WDFY3: variants seen among roughly 807,000 people sequenced by gnomAD.
WDFY3 encodes WD repeat and FYVE domain containing 3.
Under a neutral mutation model 409.6 loss-of-function variants are expected in WDFY3, and 66 were observed. The observed-to-expected ratio is 0.16, with a 90% confidence interval of 0.13 to 0.20. The LOEUF (loss-of-function observed/expected upper bound fraction) is 0.20. WDFY3 is among the 10% of genes least tolerant of loss of function. The pLI is 1.00. For missense variants in WDFY3, 3,031 were observed against 4,298.1 expected, an observed-to-expected ratio of 0.71 and a Z score of 8.24; for synonymous variants, 1,521 against 1,537.1, an observed-to-expected ratio of 0.99 and a Z score of 0.25.
At chr4:84,822,069 G>GT (rs923325311) in intron 10 of WDFY3, among the ~76,000 whole-genome samples, 1 of 151,852 alleles carries the variant, frequency 6.6e-6, no homozygotes, top group African/African-American at 2.4e-5. Flanking sequence ...AGTTTGTTTT[G>GT]TTTTCTAGCT....
At chr4:84,856,119 G>A (rs150878080) in intron 4 of WDFY3, among the ~76,000 whole-genome samples, 427 of 152,256 alleles carry the variant, frequency 2.8e-3, no homozygotes, top group African/African-American at 9.7e-3. Context: ...TAATTCACCT[G>A]TCTGCCTTCT....
chr4:84,888,454 G>GA (rs1276816106), intron 3 of WDFY3, among the ~76,000 whole-genome samples: 1 of 151,908 alleles, frequency 6.6e-6, no homozygotes, highest in Admixed American at 6.6e-5. Context: ...AATAACTTTA[G>GA]AAAAAAACTC....
In WDFY3 at chr4:84,672,839, C is replaced by A. The variant is rs1204753624; in HGVS notation, c.*29G>T. The stretch of plus-strand genomic sequence containing the variant: ...GGAGAATCGGGAAGGGGTCTACAGA[C>A]CATGGTCTCCACTCAGCTTGTTGAA... On this transcript the variant is annotated 3_prime_UTR_variant, in exon 68 of 68. Transcript: ENST00000295888. 1 of 1,613,474 alleles carries A rather than the reference C, an allele frequency of 6.2e-7. No homozygotes were observed. The highest frequency in any genetic ancestry group is 8.5e-7 in the Non-Finnish European group (1 of 1,179,694).
At chr4:84,750,198 T>C (rs901341587) in intron 36 of WDFY3, among the ~76,000 whole-genome samples, 6 of 152,190 alleles carry the variant, frequency 3.9e-5, no homozygotes, top group Non-Finnish European at 5.9e-5. Flanking sequence ...TGGTCATCTC[T>C]CTTAGAGCTT....
intron 24 of WDFY3, among the ~76,000 whole-genome samples, chr4:84,784,495 C>G (rs1295239127): frequency 6.6e-6 from 1 of 152,032 alleles, no homozygotes; most frequent in African/African-American, 2.4e-5. Flanking sequence ...CTCTCACCTT[C>G]CACACTCATT....
At chr4:84,951,662 C>T (rs1455302824) in intron 1 of WDFY3, among the ~76,000 whole-genome samples, 2 of 152,070 alleles carry the variant, frequency 1.3e-5, no homozygotes, top group East Asian at 1.9e-4. Flanking sequence ...AAGCCATGCC[C>T]GATGTTAAAT....
chr4:84,917,496 AAAAT>A (rs1479652807), intron 2 of WDFY3, among the ~76,000 whole-genome samples: 1 of 152,214 alleles, frequency 6.6e-6, no homozygotes, highest in Non-Finnish European at 1.5e-5. Flanking sequence ...AGTTAAAAGT[AAAAT>A]AAATTAACTT....
At chr4:84,766,417 A>G in intron 30 of WDFY3, 45 bp from the exon 31 acceptor site, 1 of 1,522,044 alleles carries the variant, frequency 6.6e-7, no homozygotes, top group Non-Finnish European at 8.8e-7. Context: ...TAGATAAGCT[A>G]AAAGAAAATT....
chr4:84,738,260 A>G (rs978251735), intron 40 of WDFY3, among the ~76,000 whole-genome samples: 12 of 152,096 alleles, frequency 7.9e-5, no homozygotes, highest in African/African-American at 2.9e-4. Flanking sequence ...AAAGACTTCA[A>G]TATGCAATCC....
At chr4:84,761,987 A>T (rs1400445066) in intron 32 of WDFY3, among the ~76,000 whole-genome samples, 5 of 152,112 alleles carry the variant, frequency 3.3e-5, no homozygotes, top group Admixed American at 6.5e-5. Context: ...GGACGTGGAG[A>T]AATAGGAACA....
chr4:84,713,064 A>G, intron 51 of WDFY3, 95 bp downstream of exon 51: 2 of 1,378,118 alleles, frequency 1.5e-6, no homozygotes, highest in South Asian at 1.3e-5. Flanking sequence ...CACCAGGGGA[A>G]AAACACTCAT....
At chr4:84,903,316 C>G (rs1282970266) in intron 2 of WDFY3, among the ~76,000 whole-genome samples, 1 of 152,000 alleles carries the variant, frequency 6.6e-6, no homozygotes, top group African/African-American at 2.4e-5. Context: ...AGTTTGTTTG[C>G]GTCAAACAAA....
chr4:84,921,094 A>G (rs755667244), intron 2 of WDFY3, among the ~76,000 whole-genome samples: 4 of 152,202 alleles, frequency 2.6e-5, no homozygotes, highest in Non-Finnish European at 5.9e-5. Context: ...AATAAAATAT[A>G]TTATTTTGGA....
At chr4:84,786,711 TCA>T (rs1747618240) in intron 23 of WDFY3, among the ~76,000 whole-genome samples, 1 of 152,184 alleles carries the variant, frequency 6.6e-6, no homozygotes, top group Non-Finnish European at 1.5e-5. Context: ...AGTACCTAAC[TCA>T]CAGTGTTTTG....
chr4:84,723,733 T>C (rs1306058382), intron 46 of WDFY3, among the ~76,000 whole-genome samples: 2 of 152,174 alleles, frequency 1.3e-5, no homozygotes, highest in African/African-American at 4.8e-5. Flanking sequence ...GTATTATCAG[T>C]GAACAGAGGA....
At chr4:84,880,556 C>T (rs1300531685) in intron 3 of WDFY3, among the ~76,000 whole-genome samples, 1 of 149,332 alleles carries the variant, frequency 6.7e-6, no homozygotes, top group Admixed American at 6.7e-5. Context: ...TAGGTACATG[C>T]CCTAAGGAAA....
chr4:84,703,507 G>A (rs1020642670), intron 55 of WDFY3, among the ~76,000 whole-genome samples: 4 of 151,918 alleles, frequency 2.6e-5, no homozygotes, highest in East Asian at 1.9e-4. Context: ...TTTCCTTGTC[G>A]AACTCTTCCC....
chr4:84,826,343 T>G (rs930982975), intron 10 of WDFY3, among the ~76,000 whole-genome samples: 1 of 152,204 alleles, frequency 6.6e-6, no homozygotes, highest in Non-Finnish European at 1.5e-5. Context: ...GTAGGTTATA[T>G]GCAAATACTA....
chr4:84,674,440 C>T (rs1470794923), intron 67 of WDFY3, among the ~76,000 whole-genome samples: 2 of 151,974 alleles, frequency 1.3e-5, no homozygotes, highest in African/African-American at 4.8e-5. Flanking sequence ...TGTGGTGGCT[C>T]TTGCCTATAG....
Sources: allele counts gnomAD v4.1 joint callset (sites outside exome capture counted in the v4.1 genomes callset), GRCh38; gene constraint gnomAD v4.1.1; transcripts MANE v1.5; gene names NCBI Gene and HGNC (gene_info 2026-07-23, HGNC 2026-07-21).